Variants in CCNY observed in about 807,000 individuals in gnomAD.
CCNY encodes cyclin-Y.
A neutral mutation model predicts 42.8 loss-of-function variants in CCNY; 19 were observed. The observed-to-expected ratio is 0.44, with a 90% confidence interval of 0.31 to 0.65. The LOEUF (loss-of-function observed/expected upper bound fraction) is 0.65, where lower values mean the gene tolerates loss of function less well. CCNY is among the 30% of genes least tolerant of loss of function. The pLI is 0.07. For synonymous variants in CCNY, 165 were observed against 162.7 expected, an observed-to-expected ratio of 1.01 and a Z score of -0.11; for missense variants, 370 against 437.3, an observed-to-expected ratio of 0.85 and a Z score of 1.37.
chr10:35,349,546 A>G (rs772126781), intron 1 of CCNY, among the ~76,000 whole-genome samples: 2 of 152,220 alleles, frequency 1.3e-5, no homozygotes, highest in Non-Finnish European at 2.9e-5. Context: ...ATTTTCATAA[A>G]TGGGTTTCTT....
chr10:35,371,033 C>T (rs1485464841), intron 1 of CCNY, among the ~76,000 whole-genome samples: 1 of 152,182 alleles, frequency 6.6e-6, no homozygotes, highest in East Asian at 1.9e-4. Context: ...ACTCTTAAAA[C>T]TTGTTCATTA....
At chr10:35,307,110 C>T (rs1835615910) in intron 3 of CCNY, among the ~76,000 whole-genome samples, 1 of 152,194 alleles carries the variant, frequency 6.6e-6, no homozygotes, top group African/African-American at 2.4e-5. Flanking sequence ...GGGTAACACG[C>T]TGGCAACCTG....
rs754348879 is a variant in CCNY at position 35,566,180 on chromosome 10, C to T, written c.904C>T (p.Leu302Phe). The T allele has an allele frequency of 6.2e-7, 1 of 1,613,266 alleles. No individual in the cohort carries two copies. The highest frequency in any genetic ancestry group is 8.5e-7 in the Non-Finnish European group (1 of 1,179,748). Reference sequence around the variant, plus strand: ...CCTGAGCAGGGAGAGGGCTCACAAGCTTGAGGTAAGATGGTTTAAAACAGC... The same window carrying T: ...CCTGAGCAGGGAGAGGGCTCACAAGTTTGAGGTAAGATGGTTTAAAACAGC... ...EPLSRERAHKLEAISRLCEDK... is the reference protein window; with the variant it reads ...EPLSRERAHKFEAISRLCEDK... The change falls in exon 9 of 10, where the codon CTT becomes TTT. Residue 302 changes from leucine (L) to phenylalanine (F), a missense_variant. Coordinates refer to ENST00000374704, the MANE Select transcript of CCNY (RefSeq NM_145012.6).
intron 5 of CCNY, among the ~76,000 whole-genome samples, chr10:35,528,808 A>G (rs1840705422): frequency 6.6e-6 from 1 of 152,236 alleles, no homozygotes; most frequent in Non-Finnish European, 1.5e-5. Flanking sequence ...TTTTATTTTT[A>G]CACAGATGGT....
In CCNY at chr10:35,314,837, C is replaced by T. The variant is rs1002472581; in HGVS notation, c.-9+64211C>T. ...GTGGCTCATGCCTGTAATCCTAGCA[C>T]TTTGGGAGGCCGAGGGGGGTGGATC... On this transcript the variant is annotated intron_variant, in intron 3 of 11. Transcript: ENST00000374706. 2.0e-5 allele frequency: 3 copies of T among 152,122 alleles called. No individual in the cohort carries two copies. The South Asian group carries it at 6.2e-4, about 32-fold the overall frequency. The allele number at this position is 152,122 out of a possible 1,614,324, so 9.4% of individuals were successfully genotyped here. A position where few individuals can be genotyped will look rare whatever the true frequency, so the allele number is the denominator to read the frequency against.
chr10:35,549,141 C>T (rs1222642224), intron 7 of CCNY, among the ~76,000 whole-genome samples: 1 of 135,214 alleles, frequency 7.4e-6, no homozygotes, highest in Non-Finnish European at 1.6e-5. Context: ...CCCCTTCTCT[C>T]GAAGAGGCAG....
upstream of CCNY, among the ~76,000 whole-genome samples, chr10:35,335,066 A>AC (rs1211875167): frequency 1.2e-4 from 6 of 49,786 alleles, no homozygotes; most frequent in South Asian, 8.4e-4. Context: ...TCCCACCCCC[A>AC]CCCCCCCACC....
At chr10:35,290,355 G>A (rs913275003) in intron 3 of CCNY, among the ~76,000 whole-genome samples, 1 of 151,846 alleles carries the variant, frequency 6.6e-6, no homozygotes, top group Admixed American at 6.6e-5. Flanking sequence ...GGCAGAGGTT[G>A]CAGTGAGCTG....
At chr10:35,251,687 T>C (rs2095712162) in intron 3 of CCNY, among the ~76,000 whole-genome samples, 1 of 151,718 alleles carries the variant, frequency 6.6e-6, no homozygotes, top group South Asian at 2.1e-4. Context: ...CTCATGGGCT[T>C]AAGAGATCCT....
intron 8 of CCNY, among the ~76,000 whole-genome samples, chr10:35,557,965 A>T (rs1225211261): frequency 6.6e-6 from 1 of 152,140 alleles, no homozygotes; most frequent in Non-Finnish European, 1.5e-5. Context: ...TGTTCAGATG[A>T]GTAGGTGAAA....
chr10:35,312,581 C>G (rs551006433), intron 3 of CCNY, among the ~76,000 whole-genome samples: 1 of 151,466 alleles, frequency 6.6e-6, no homozygotes, highest in South Asian at 2.1e-4. Flanking sequence ...CTCCGTTTTG[C>G]GACAAAATGA....
intron 7 of CCNY, among the ~76,000 whole-genome samples, chr10:35,550,980 C>T (rs1290688274): frequency 6.6e-6 from 1 of 152,124 alleles, no homozygotes; most frequent in Non-Finnish European, 1.5e-5. Flanking sequence ...ACTTATGTGG[C>T]ATCCGCTGGG....
rs544614905 is a variant in CCNY at position 35,429,872 on chromosome 10, T to C, written c.155-53532T>C. Among the ~76,000 whole-genome samples, 30 of 152,334 alleles carry C rather than the reference T, an allele frequency of 2.0e-4. No individual in the cohort carries two copies. The South Asian group carries it at 5.4e-3, about 27-fold the overall frequency. On this transcript the variant is annotated intron_variant, in intron 1 of 9. Transcript: ENST00000374704. ...TATGATTTTCTGAAATAATCCTTGA[T>C]TATTCAGCCGCTAACCTTGAATATT...
upstream of CCNY, among the ~76,000 whole-genome samples, chr10:35,335,278 A>C (rs960342457): frequency 2.6e-5 from 4 of 152,170 alleles, no homozygotes; most frequent in African/African-American, 9.7e-5. Context: ...ATCTTAGTCA[A>C]CTGGCCTAAG....
At chr10:35,462,641 GCTCT>G (rs1839181266) in intron 1 of CCNY, among the ~76,000 whole-genome samples, 2 of 152,214 alleles carry the variant, frequency 1.3e-5, no homozygotes, top group Non-Finnish European at 2.9e-5. Context: ...TGCTGCAGCT[GCTCT>G]CTGTGACAGC....
chr10:35,268,839 G>C (rs966845503), intron 3 of CCNY, among the ~76,000 whole-genome samples: 1 of 152,164 alleles, frequency 6.6e-6, no homozygotes, highest in Admixed American at 6.5e-5. Context: ...AGCAGCACTG[G>C]GCCAGAATGC....
intron 2 of CCNY, among the ~76,000 whole-genome samples, chr10:35,491,374 C>G (rs1206930619): frequency 6.6e-6 from 1 of 152,206 alleles, no homozygotes; most frequent in African/African-American, 2.4e-5. Context: ...TGCTCATTGA[C>G]TTGTGATGTA....
chr10:35,399,684 T>G (rs1250196717), intron 1 of CCNY, among the ~76,000 whole-genome samples: 1 of 152,144 alleles, frequency 6.6e-6, no homozygotes, highest in Non-Finnish European at 1.5e-5. Context: ...TCTACAAAAA[T>G]AAACATAAAA....
At chr10:35,282,491 G>A (rs1266473326) in intron 3 of CCNY, among the ~76,000 whole-genome samples, 1 of 151,882 alleles carries the variant, frequency 6.6e-6, no homozygotes, top group Admixed American at 6.6e-5. Flanking sequence ...ACTTTGGGAG[G>A]CTGAGTCAGG....
Sources: gnomAD v4.1 joint callset for allele counts (sites outside exome capture counted in the v4.1 genomes callset) on GRCh38, gnomAD v4.1.1 for gene constraint, MANE v1.5 for transcripts, NCBI Gene and HGNC (gene_info 2026-07-23, HGNC 2026-07-21) for gene names.